The following CTNNA2 variants were observed in gnomAD, a reference collection of about 807,000 sequenced individuals.
The protein encoded by CTNNA2 is catenin alpha 2, also known as catenin alpha-2.
Under a neutral mutation model 101.0 loss-of-function variants are expected in CTNNA2, and 42 were observed. The ratio of observed to expected loss-of-function variants is 0.42; its 90% CI spans 0.32 to 0.54. CTNNA2 has a LOEUF of 0.54. CTNNA2 is among the 20% of genes least tolerant of loss of function. The pLI is 0.14. For missense variants in CTNNA2, 871 were observed against 1,223.1 expected (o/e 0.71, Z 4.29); for synonymous variants, 450 against 456.4 (o/e 0.99, Z 0.18).
At chr2:79,287,076 G>A (rs1200270663) in intron 2 of CTNNA2, among the ~76,000 whole-genome samples, 7 of 151,852 alleles carry the variant, frequency 4.6e-5, no homozygotes, top group Non-Finnish European at 1.0e-4. Context: ...CATTCTTCAC[G>A]TAGTTCTCGA....
intron 18 of CTNNA2, among the ~76,000 whole-genome samples, chr2:80,628,548 T>G (rs1239533221): frequency 6.6e-6 from 1 of 151,870 alleles, no homozygotes; most frequent in Non-Finnish European, 1.5e-5. Context: ...TGAAGTTGGA[T>G]CCCTTCCTTA....
chr2:80,079,582 G>C (rs1406836740), intron 7 of CTNNA2, among the ~76,000 whole-genome samples: 1 of 152,108 alleles, frequency 6.6e-6, no homozygotes, highest in East Asian at 1.9e-4. Flanking sequence ...TGGAGGCTGA[G>C]GCGGGCAGAT....
chr2:79,547,145 C>G (rs1673786289), intron 1 of CTNNA2: 1 of 152,200 alleles, frequency 6.6e-6, no homozygotes, highest in East Asian at 1.9e-4. Flanking sequence ...ATAGGTAGTA[C>G]AGGGCTTCTC....
intron 1 of CTNNA2, among the ~76,000 whole-genome samples, chr2:79,559,587 A>G (rs1049373787): frequency 2.0e-5 from 3 of 151,968 alleles, no homozygotes; most frequent in Admixed American, 6.6e-5. Flanking sequence ...TTCAAACCAT[A>G]AAACTGTGAA....
At chr2:79,258,695 A>G (rs1162383349) in intron 2 of CTNNA2, among the ~76,000 whole-genome samples, 1 of 152,114 alleles carries the variant, frequency 6.6e-6, no homozygotes, top group East Asian at 1.9e-4. Flanking sequence ...ACTAGGAAGA[A>G]AAATACAGGA....
rs1678687619 is a variant in CTNNA2, at chr2:79,434,159, A to C, written c.-135+60146A>C. Among the ~76,000 whole-genome samples, 7 of 151,962 alleles carry C rather than the reference A, an allele frequency of 4.6e-5. No homozygotes were observed. In the South Asian group the frequency reaches 1.0e-3, roughly 23 times the overall value. ...AATACAAAAAAAAAATTATTCCTGC[A>C]GGGTGGTGCATTCCTGTAGTTCCTG... On this transcript the variant is annotated intron_variant, in intron 4 of 21. Coordinates refer to the CTNNA2 transcript ENST00000466387.
Position 80,025,429 on chromosome 2 carries a change from G to A in CTNNA2, c.1056+115632G>A, listed in dbSNP as rs576997311. Among the ~76,000 whole-genome samples, 415 of 152,278 alleles carry A rather than the reference G, an allele frequency of 2.7e-3. 1 individual carries two copies. The highest frequency in any genetic ancestry group is 0.014 in the South Asian group (66 of 4,822). ...AACAGCTATCTCCTCTTCCACTAAC[G>A]CAAGTTTAATAAAGGTGGCTTTTAG... On this transcript the variant is annotated intron_variant, in intron 7 of 18. Transcript: ENST00000402739.
At chr2:80,290,208 CTAAT>C (rs535108772) in intron 7 of CTNNA2, among the ~76,000 whole-genome samples, 587 of 152,278 alleles carry the variant, frequency 3.9e-3, no homozygotes, top group Middle Eastern at 6.8e-3. Context: ...GAAGCTCTGT[CTAAT>C]TAATTCCATG....
intron 1 of CTNNA2, among the ~76,000 whole-genome samples, chr2:79,610,670 G>C (rs1678210484): frequency 6.6e-6 from 1 of 152,082 alleles, no homozygotes; most frequent in Non-Finnish European, 1.5e-5. Context: ...AGTAACTTTT[G>C]ACAGAAAATG....
intron 9 of CTNNA2, among the ~76,000 whole-genome samples, chr2:80,467,321 A>C (rs759094093): frequency 6.6e-6 from 1 of 152,230 alleles, no homozygotes; most frequent in Non-Finnish European, 1.5e-5. Context: ...GTGAAAATCA[A>C]ATAAAGTCTC....
intron 3 of CTNNA2, among the ~76,000 whole-genome samples, chr2:79,350,233 A>C (rs1007431184): frequency 1.3e-5 from 2 of 152,098 alleles, no homozygotes; most frequent in Non-Finnish European, 2.9e-5. Flanking sequence ...CCCATCTCCC[A>C]AATCGTGACA....
chr2:79,545,069 G>A (rs1322247627), intron 1 of CTNNA2, among the ~76,000 whole-genome samples: 1 of 152,114 alleles, frequency 6.6e-6, no homozygotes, highest in Non-Finnish European at 1.5e-5. Context: ...TTTAAATTCA[G>A]CATCACATGA....
At chr2:79,384,875 G>A (rs747814717) in intron 4 of CTNNA2, among the ~76,000 whole-genome samples, 9 of 152,030 alleles carry the variant, frequency 5.9e-5, no homozygotes, top group East Asian at 1.9e-4. Flanking sequence ...AATTTGGTTC[G>A]ATATCACATA....
At chr2:79,971,632 C>T (rs1690492354) in intron 7 of CTNNA2, among the ~76,000 whole-genome samples, 1 of 152,106 alleles carries the variant, frequency 6.6e-6, no homozygotes, top group Admixed American at 6.5e-5. Context: ...AATGTGAGAG[C>T]AGAGGGATTT....
chr2:79,227,003 T>C (rs201101320), intron 2 of CTNNA2, among the ~76,000 whole-genome samples: 1 of 149,226 alleles, frequency 6.7e-6, no homozygotes, highest in African/African-American at 2.5e-5. Context: ...AAAAAAAAAA[T>C]CAAGCCTCCA....
At chr2:79,829,994 G>T (rs1276620638) in intron 3 of CTNNA2, among the ~76,000 whole-genome samples, 4 of 152,098 alleles carry the variant, frequency 2.6e-5, no homozygotes, top group Admixed American at 1.3e-4. Flanking sequence ...GATTGACTAG[G>T]TCTCAGTGCT....
chr2:79,876,073 CAA>C (rs1394499944), intron 6 of CTNNA2, among the ~76,000 whole-genome samples: 3 of 152,020 alleles, frequency 2.0e-5, no homozygotes, highest in Non-Finnish European at 4.4e-5. Flanking sequence ...TATTGAGGGA[CAA>C]GTTTTACTTG....
At chr2:80,621,134 C>T (rs1489280712) in intron 18 of CTNNA2, among the ~76,000 whole-genome samples, 1 of 151,802 alleles carries the variant, frequency 6.6e-6, no homozygotes, top group Non-Finnish European at 1.5e-5. Flanking sequence ...TGTTAGGTAA[C>T]TCAAAGCAAA....
chr2:79,375,177 A>C (rs1677953227), intron 4 of CTNNA2, among the ~76,000 whole-genome samples: 1 of 152,142 alleles, frequency 6.6e-6, no homozygotes, highest in South Asian at 2.1e-4. Context: ...AACACAGTTT[A>C]ATTTTTTAAA....
Sources: gnomAD v4.1 joint callset for allele counts (sites outside exome capture counted in the v4.1 genomes callset) on GRCh38, gnomAD v4.1.1 for gene constraint, MANE v1.5 for transcripts, NCBI Gene and HGNC (gene_info 2026-07-23, HGNC 2026-07-21) for gene names.